FAM135B: variants seen among roughly 807,000 people sequenced by gnomAD.
FAM135B encodes family with sequence similarity 135 member B, also known as protein FAM135B.
FAM135B carries 43 observed loss-of-function variants against 127.7 expected under a neutral mutation model. The ratio of observed to expected loss-of-function variants is 0.34; its 90% CI spans 0.26 to 0.43. FAM135B has a LOEUF of 0.43. Ranked by LOEUF, FAM135B falls within the 20% of genes least tolerant of loss-of-function variation. The probability of loss-of-function intolerance (pLI) is 1.00; values close to 1 mark genes in which losing one functional copy is unlikely to be tolerated. For missense variants in FAM135B, 1,558 were observed against 1,725.6 expected, an observed-to-expected ratio of 0.90 and a Z score of 1.72; for synonymous variants, 670 against 665.1, an observed-to-expected ratio of 1.01 and a Z score of -0.11.
At chr8:138,425,148 A>T (rs1030560227) in intron 1 of FAM135B, among the ~76,000 whole-genome samples, 1 of 152,206 alleles carries the variant, frequency 6.6e-6, no homozygotes, top group Non-Finnish European at 1.5e-5. Context: ...TTTAAAAGTA[A>T]TAAGAGCTGG....
intron 19 of FAM135B, among the ~76,000 whole-genome samples, chr8:138,136,406 G>T (rs1816666165): frequency 6.6e-6 from 1 of 152,052 alleles, no homozygotes; most frequent in Non-Finnish European, 1.5e-5. Context: ...TTTAGATAAG[G>T]TCTAGAAATT....
chr8:138,316,979 C>CAA (rs112559661), intron 2 of FAM135B, among the ~76,000 whole-genome samples: 2,759 of 122,638 alleles, frequency 0.022, 87 homozygotes, highest in African/African-American at 0.073. Flanking sequence ...GACTCCATCT[C>CAA]AAAAAAAAAA....
At chr8:138,187,761 G>A (rs1049366107) in intron 9 of FAM135B, among the ~76,000 whole-genome samples, 1 of 152,200 alleles carries the variant, frequency 6.6e-6, no homozygotes, top group African/African-American at 2.4e-5. Context: ...CTGTGCCAAT[G>A]AGGTGACTCT....
chr8:138,305,985 G>A (rs1291523833), intron 3 of FAM135B, among the ~76,000 whole-genome samples: 2 of 152,096 alleles, frequency 1.3e-5, no homozygotes, highest in African/African-American at 4.8e-5. Flanking sequence ...TTACTACAAA[G>A]AATAGTGAAA....
chr8:138,467,986 C>T (rs889928943), intron 1 of FAM135B, among the ~76,000 whole-genome samples: 1 of 152,090 alleles, frequency 6.6e-6, no homozygotes, highest in Admixed American at 6.5e-5. Flanking sequence ...AACTTATTTT[C>T]AAATGATCTA....
chr8:138,210,028 G>A (rs893112159), intron 7 of FAM135B, among the ~76,000 whole-genome samples: 3 of 152,132 alleles, frequency 2.0e-5, no homozygotes, highest in African/African-American at 4.8e-5. Context: ...AGATAAATAA[G>A]ATTAATTATG....
chr8:138,248,608 T>C (rs1476892186), intron 6 of FAM135B, among the ~76,000 whole-genome samples: 1 of 152,034 alleles, frequency 6.6e-6, no homozygotes, highest in African/African-American at 2.4e-5. Context: ...TTGCTTGACC[T>C]CAGGAATTTG....
intron 7 of FAM135B, among the ~76,000 whole-genome samples, chr8:138,217,325 G>T (rs1380746582): frequency 6.6e-6 from 1 of 152,006 alleles, no homozygotes; most frequent in Non-Finnish European, 1.5e-5. Context: ...TTAAGAGTGG[G>T]AAGAAGTAAT....
intron 7 of FAM135B, among the ~76,000 whole-genome samples, chr8:138,209,498 C>G (rs1181282185): frequency 6.6e-6 from 1 of 152,076 alleles, no homozygotes; most frequent in Non-Finnish European, 1.5e-5. Context: ...AGAATGTGGG[C>G]TGCCAGATGT....
intron 1 of FAM135B, among the ~76,000 whole-genome samples, chr8:138,410,133 G>A (rs1304499979): frequency 6.6e-6 from 1 of 152,152 alleles, no homozygotes; most frequent in Non-Finnish European, 1.5e-5. Flanking sequence ...CTGACTTAGA[G>A]AAAGCAGATA....
At chr8:138,198,353 T>A (rs1816830517) in intron 7 of FAM135B, among the ~76,000 whole-genome samples, 2 of 152,198 alleles carry the variant, frequency 1.3e-5, no homozygotes, top group Admixed American at 1.3e-4. Context: ...GCCTTGGGTA[T>A]GTCTTTATTA....
chr8:138,496,123 C>T (rs1206183973), intron 1 of FAM135B, among the ~76,000 whole-genome samples: 2 of 152,186 alleles, frequency 1.3e-5, no homozygotes, highest in Non-Finnish European at 2.9e-5. Context: ...CTACTTGCCT[C>T]GTCTAAACAT....
At chr8:138,396,621 G>C (rs1587344294) in intron 1 of FAM135B, among the ~76,000 whole-genome samples, 1 of 152,166 alleles carries the variant, frequency 6.6e-6, no homozygotes, top group East Asian at 1.9e-4. Context: ...TAAGGACATT[G>C]AAGCCCCTGG....
At chr8:138,480,593 G>C (rs1814732201) in intron 1 of FAM135B, among the ~76,000 whole-genome samples, 2 of 151,974 alleles carry the variant, frequency 1.3e-5, no homozygotes, top group African/African-American at 4.8e-5. Flanking sequence ...AGAGAAATAG[G>C]AAAAAATGAG....
chr8:138,167,085 A>G (rs1320403394), intron 12 of FAM135B, among the ~76,000 whole-genome samples: 1 of 152,040 alleles, frequency 6.6e-6, no homozygotes, highest in African/African-American at 2.4e-5. Context: ...GCTGTAGACC[A>G]TGGGGGGAAA....
At chr8:138,223,346 T>G (rs569139600) in intron 7 of FAM135B, among the ~76,000 whole-genome samples, 117 of 152,226 alleles carry the variant, frequency 7.7e-4, no homozygotes, top group African/African-American at 2.5e-3. Context: ...GGCAAGAAAA[T>G]AAGCAGTGAC....
At position 138,381,211 on chromosome 8, in the gene FAM135B, G is replaced by A. The variant is rs557760985; in HGVS notation, c.-19-13209C>T. Among the ~76,000 whole-genome samples, 65 of 152,036 alleles carry A rather than the reference G, an allele frequency of 4.3e-4. No homozygotes were observed. The South Asian group carries it at 0.012, about 29-fold the overall frequency. ...TCCAACTCTAGGCCCTTCTTCCCTC[G>A]CTGTGTCACCACTACCACAAACAAA... is the stretch of plus-strand genomic sequence containing the variant. On this transcript the variant is annotated intron_variant, in intron 1 of 19. Transcript: ENST00000395297.
chr8:138,204,400 G>C (rs750472845), intron 7 of FAM135B, among the ~76,000 whole-genome samples: 9 of 152,108 alleles, frequency 5.9e-5, no homozygotes, highest in African/African-American at 9.7e-5. Flanking sequence ...AACACTTTGG[G>C]AGTAAAAAGA....
At chr8:138,253,380 T>C (rs1396538991) in intron 5 of FAM135B, among the ~76,000 whole-genome samples, 1 of 152,112 alleles carries the variant, frequency 6.6e-6, no homozygotes, top group Non-Finnish European at 1.5e-5. Flanking sequence ...CCTCATAACA[T>C]TGACTTTGGG....
Sources: gnomAD v4.1 joint callset for allele counts (sites outside exome capture counted in the v4.1 genomes callset) on GRCh38, gnomAD v4.1.1 for gene constraint, MANE v1.5 for transcripts, NCBI Gene and HGNC (gene_info 2026-07-23, HGNC 2026-07-21) for gene names.